The following MYO10 variants were observed in gnomAD, a reference collection of about 807,000 sequenced individuals.
MYO10 encodes myosin X, also known as unconventional myosin-X.
In MYO10, 133 loss-of-function variants were observed where a neutral mutation model predicts 257.3. The ratio of observed to expected loss-of-function variants is 0.52; its 90% CI spans 0.45 to 0.60. The LOEUF is 0.60. Ranked by LOEUF, MYO10 falls within the 20% of genes least tolerant of loss-of-function variation. The probability of loss-of-function intolerance (pLI) is 0.00; values close to 1 mark genes in which losing one functional copy is unlikely to be tolerated. For synonymous variants in MYO10, 1,104 were observed against 1,028.6 expected (o/e 1.07, Z -1.40); for missense variants, 2,399 against 2,635.7 (o/e 0.91, Z 1.97).
chr5:16,844,043 C>G (rs1743559841), intron 2 of MYO10, among the ~76,000 whole-genome samples: 1 of 152,186 alleles, frequency 6.6e-6, no homozygotes, highest in Non-Finnish European at 1.5e-5. Flanking sequence ...AGTGGGTTGT[C>G]CCGTCACTCA....
chr5:16,791,911 G>A (rs1178591292), intron 4 of MYO10, among the ~76,000 whole-genome samples: 4 of 152,104 alleles, frequency 2.6e-5, no homozygotes, highest in African/African-American at 7.2e-5. Flanking sequence ...CTTAAAAGCT[G>A]TTTCTATATT....
Position 16,670,918 on chromosome 5 carries a change from C to A in MYO10, c.5491G>T (p.Ala1831Ser). 1 of 1,613,834 alleles carries A rather than the reference C, an allele frequency of 6.2e-7. No individual in the cohort carries two copies. The highest frequency in any genetic ancestry group is 8.5e-7 in the Non-Finnish European group (1 of 1,179,790). The change falls in exon 39 of 41, where the codon GCT becomes TCT. Residue 1831 changes from alanine (A) to serine (S), a missense_variant. This residue lies in a region of MYO10 where 1,820 missense variants were observed against 1,939.4 expected (regional missense o/e 0.94). Transcript: ENST00000513610. The stretch of plus-strand genomic sequence containing the variant: ...TGCAGATACTGGAGTCGCAGGGCAG[C>A]AAGAACCTGGAGGTTTTCTTCCGGG... ...PAPEENLQVL[A>S]ALRLQYLQGD...
At chr5:16,691,945 G>A (rs761026458) in intron 27 of MYO10, among the ~76,000 whole-genome samples, 26 of 152,106 alleles carry the variant, frequency 1.7e-4, no homozygotes, top group Non-Finnish European at 2.6e-4. Context: ...TGGGATAAGC[G>A]AGCTAACATG....
chr5:16,933,608 T>C (rs979132240), intron 1 of MYO10, among the ~76,000 whole-genome samples: 1 of 152,216 alleles, frequency 6.6e-6, no homozygotes, highest in Non-Finnish European at 1.5e-5. Context: ...AATATATCAC[T>C]TCCACACTCG....
chr5:16,918,211 G>A (rs1464118155), intron 1 of MYO10, among the ~76,000 whole-genome samples: 1 of 152,164 alleles, frequency 6.6e-6, no homozygotes, highest in Non-Finnish European at 1.5e-5. Flanking sequence ...AGGAAGATGT[G>A]AAGAGTCCAA....
chr5:16,703,102 G>A lies in MYO10; in HGVS notation c.2333C>T (p.Ala778Val), dbSNP rs370205361. ...CVVIIQKNYRAFLLRRRFLHL... is the reference protein window; with the variant it reads ...CVVIIQKNYRVFLLRRRFLHL... ...CAAAAATCTCCTCCTCAGAAGGAAT[G>A]CTCTGTAATTCTTCTGTATTATCAC... Residue 778 changes from alanine (A) to valine (V), a missense_variant, in exon 23 of 41, where the codon GCA (alanine) becomes GTA (valine). Around this residue, in one of 3 missense-constraint regions of MYO10, gnomAD observed 1,820 missense variants for 1,939.4 expected, o/e 0.94. Coordinates refer to ENST00000513610, the MANE Select transcript of MYO10 (RefSeq NM_012334.3). 15 of 1,589,412 alleles carry A rather than the reference G, an allele frequency of 9.4e-6. No individual in the cohort carries two copies. The Middle Eastern group carries it at 6.6e-4, about 70-fold the overall frequency.
chr5:16,801,328 C>T (rs192083991), intron 3 of MYO10, among the ~76,000 whole-genome samples: 1,900 of 152,280 alleles, frequency 0.012, 17 homozygotes, highest in Middle Eastern at 0.017. Context: ...CTGCCTCAGC[C>T]TCCCGAGTAG....
chr5:16,906,143 T>C (rs1745512158), intron 1 of MYO10, among the ~76,000 whole-genome samples: 1 of 152,198 alleles, frequency 6.6e-6, no homozygotes, highest in Admixed American at 6.5e-5. Flanking sequence ...GGACGGCTGC[T>C]ATCCCAGTCC....
chr5:16,862,438 G>A (rs545875111), intron 2 of MYO10, among the ~76,000 whole-genome samples: 3 of 152,292 alleles, frequency 2.0e-5, no homozygotes, highest in African/African-American at 7.2e-5. Context: ...AACTGCCTCT[G>A]ATTTCTCTTC....
rs537078969 is a variant in MYO10, at chr5:16,870,849, G to A, written c.120+6760C>T. On this transcript the variant is annotated intron_variant, in intron 2 of 40. Coordinates refer to ENST00000513610, the MANE Select transcript of MYO10 (RefSeq NM_012334.3). ...GGAGGCTGCAGTAAGCCGAGATCGC[G>A]CCATTGCACTCCAGCCTGGACAACA... is the stretch of plus-strand genomic sequence containing the variant. 1.2e-4 allele frequency among the ~76,000 whole-genome samples: 19 copies of A among 152,240 alleles called. No homozygotes were observed. The East Asian group carries it at 1.9e-3, about 15-fold the overall frequency.
intron 4 of MYO10, among the ~76,000 whole-genome samples, chr5:16,789,930 GCC>G (rs1741703722): frequency 1.3e-5 from 2 of 152,102 alleles, no homozygotes; most frequent in Non-Finnish European, 2.9e-5. Context: ...TGCCTCTTGG[GCC>G]CCTCTGAGGA....
intron 4 of MYO10, among the ~76,000 whole-genome samples, chr5:16,793,139 C>T (rs964538440): frequency 6.6e-6 from 1 of 152,058 alleles, no homozygotes; most frequent in Admixed American, 6.6e-5. Flanking sequence ...AAATGCTTGG[C>T]GCCTCCACGG....
rs746751894 is a variant in MYO10 at position 16,762,115 on chromosome 5, TAAAAAA to T, written c.1588-8_1588-3del. On this transcript the variant is annotated splice_polypyrimidine_tract_variant and splice_region_variant and intron_variant, in intron 15 of 40. Transcript: ENST00000513610. ...GGGCTTCACATAAAAGTGGTTATTCTAAAAAAAAAAAAAAAAAAAAAAAAAAAAATA... is the reference window on the plus strand; with the variant it reads ...GGGCTTCACATAAAAGTGGTTATTCTAAAAAAAAAAAAAAAAAAAAAAATA... 764 of 566,326 alleles carry T rather than the reference TAAAAAA, an allele frequency of 1.3e-3. No homozygotes were observed. Among genetic ancestry groups the T allele is most frequent in the Non-Finnish European group, 1.5e-3 (596 of 399,762 alleles). The allele number at this position is 566,326 out of a possible 1,614,324, so 35.1% of individuals were successfully genotyped here.
At chr5:16,691,493 G>GT (rs905010230) in intron 27 of MYO10, among the ~76,000 whole-genome samples, 5 of 151,998 alleles carry the variant, frequency 3.3e-5, no homozygotes, top group African/African-American at 9.7e-5. Flanking sequence ...CAGGTCAGGA[G>GT]TTTGAGACCA....
intron 1 of MYO10, among the ~76,000 whole-genome samples, chr5:16,906,215 AC>A (rs568703926): frequency 5.3e-5 from 8 of 151,350 alleles, no homozygotes; most frequent in Non-Finnish European, 1.0e-4. Flanking sequence ...TCCAGAATGG[AC>A]CCCCCCATTC....
intron 2 of MYO10, among the ~76,000 whole-genome samples, chr5:16,876,560 T>C (rs993396281): frequency 4.6e-5 from 7 of 152,164 alleles, no homozygotes; most frequent in Non-Finnish European, 1.0e-4. Flanking sequence ...TGTGATTAAC[T>C]GGTTTGTTTT....
chr5:16,764,157 A>T (rs5866206), intron 12 of MYO10, 93 bp downstream of exon 12: 1 of 1,343,672 alleles, frequency 7.4e-7, no homozygotes, highest in Non-Finnish European at 1.0e-6. Context: ...AAAAAAAAAA[A>T]GAAAAAAAAA....
chr5:16,918,298 A>T (rs1021561618), intron 1 of MYO10, among the ~76,000 whole-genome samples: 9 of 132,116 alleles, frequency 6.8e-5, no homozygotes, highest in Non-Finnish European at 1.0e-4. Flanking sequence ...TCAGCAGCTC[A>T]GCAGATTACA....
intron 2 of MYO10, among the ~76,000 whole-genome samples, chr5:16,827,974 C>T (rs1041822084): frequency 2.6e-5 from 4 of 152,190 alleles, no homozygotes; most frequent in Non-Finnish European, 5.9e-5. Flanking sequence ...CATGGGGAAG[C>T]ATGCGTGGTA....
Sources: gnomAD v4.1 joint callset for allele counts (sites outside exome capture counted in the v4.1 genomes callset) on GRCh38, gnomAD v4.1.1 for gene constraint, gnomAD v4.1.1 regional missense constraint, MANE v1.5 for transcripts, NCBI Gene and HGNC (gene_info 2026-07-23, HGNC 2026-07-21) for gene names.